The following SLC26A7 variants were observed in gnomAD, a reference collection of about 807,000 sequenced individuals.
The protein encoded by SLC26A7 is solute carrier family 26 member 7, also known as anion exchange transporter.
In SLC26A7, 59 loss-of-function variants were observed where a neutral mutation model predicts 82.5. The observed-to-expected ratio is 0.72, with a 90% CI of 0.58 to 0.89. The LOEUF is 0.89. SLC26A7 is among the 40% of genes least tolerant of loss of function. The probability of loss-of-function intolerance (pLI) is 0.00; values close to 1 mark genes in which losing one functional copy is unlikely to be tolerated. For synonymous variants in SLC26A7, 271 were observed against 274.3 expected (o/e 0.99, Z 0.12); for missense variants, 820 against 793.0 (o/e 1.03, Z -0.41).
At chr8:91,306,947 T>G (rs1467365552) in intron 4 of SLC26A7, among the ~76,000 whole-genome samples, 2 of 148,214 alleles carry the variant, frequency 1.3e-5, no homozygotes, top group East Asian at 2.0e-4. Context: ...CAAACAAATT[T>G]ACAAGAAAAA....
intron 5 of SLC26A7, among the ~76,000 whole-genome samples, chr8:91,329,007 G>A (rs1358504467): frequency 6.6e-6 from 1 of 152,056 alleles, no homozygotes; most frequent in Non-Finnish European, 1.5e-5. Context: ...TTATTAAACT[G>A]ACTAGGCAGT....
chr8:91,255,463 C>T (rs1467890732), intron 2 of SLC26A7, among the ~76,000 whole-genome samples: 3 of 152,122 alleles, frequency 2.0e-5, no homozygotes, highest in East Asian at 1.9e-4. Context: ...TCAGCTTTGG[C>T]GATACAGAAT....
intron 15 of SLC26A7, among the ~76,000 whole-genome samples, chr8:91,376,236 T>A (rs1168828322): frequency 2.0e-5 from 3 of 152,184 alleles, no homozygotes; most frequent in Non-Finnish European, 4.4e-5. Context: ...CTTTTCCTTT[T>A]GGTTAGAATC....
At chr8:91,376,034 T>C (rs903684474) in intron 15 of SLC26A7, among the ~76,000 whole-genome samples, 2 of 152,146 alleles carry the variant, frequency 1.3e-5, no homozygotes, top group Non-Finnish European at 2.9e-5. Flanking sequence ...ATTAAAGCTT[T>C]CAAATGTGTT....
chr8:91,392,006 A>G (rs1379258732), intron 16 of SLC26A7, among the ~76,000 whole-genome samples: 3 of 152,184 alleles, frequency 2.0e-5, no homozygotes, highest in African/African-American at 7.2e-5. Context: ...GAGAAATTCA[A>G]ACAATCTTGG....
At chr8:91,334,860 A>G (rs1380370196) in intron 6 of SLC26A7, among the ~76,000 whole-genome samples, 1 of 152,136 alleles carries the variant, frequency 6.6e-6, no homozygotes, top group Non-Finnish European at 1.5e-5. Flanking sequence ...CAATTGATAA[A>G]TGTTCATTCA....
chr8:91,218,385 T>G (rs1185178137), intron 1 of SLC26A7, among the ~76,000 whole-genome samples: 1 of 73,546 alleles, frequency 1.4e-5, no homozygotes, highest in Non-Finnish European at 2.8e-5. Flanking sequence ...ATTTAATTCA[T>G]GTATTAGGCA....
intron 9 of SLC26A7, among the ~76,000 whole-genome samples, chr8:91,344,744 T>C (rs1191532303): frequency 1.3e-5 from 2 of 152,178 alleles, no homozygotes; most frequent in African/African-American, 4.8e-5. Flanking sequence ...ACACAAGTAA[T>C]CTGACAGATT....
At chr8:91,321,275 G>T (rs2130812372) in intron 5 of SLC26A7, among the ~76,000 whole-genome samples, 1 of 152,332 alleles carries the variant, frequency 6.6e-6, no homozygotes, top group East Asian at 1.9e-4. Context: ...GTAGGGGTTT[G>T]TGCTCAGTTC....
intron 5 of SLC26A7, among the ~76,000 whole-genome samples, chr8:91,318,821 T>C (rs1812712725): frequency 1.3e-5 from 2 of 152,134 alleles, no homozygotes; most frequent in African/African-American, 4.8e-5. Flanking sequence ...AATCAGCTAT[T>C]AAAAACCACC....
intron 4 of SLC26A7, among the ~76,000 whole-genome samples, chr8:91,307,911 C>G (rs1248819240): frequency 6.6e-6 from 1 of 152,044 alleles, no homozygotes; most frequent in Non-Finnish European, 1.5e-5. Context: ...GTTGCCTAGG[C>G]TGTTCTCAAA....
intron 16 of SLC26A7, 92 bp downstream of exon 16, chr8:91,389,530 T>C (rs1409268203): frequency 1.1e-6 from 1 of 877,060 alleles, no homozygotes; most frequent in African/African-American, 1.7e-5. Flanking sequence ...TTGAGCCTGC[T>C]TGTTGCAATA....
chr8:91,220,276 G>T (rs1405407641), intron 2 of SLC26A7, among the ~76,000 whole-genome samples: 2 of 152,146 alleles, frequency 1.3e-5, no homozygotes, highest in Non-Finnish European at 2.9e-5. Context: ...GGTAAAGTAT[G>T]TGTGCTTATT....
intron 9 of SLC26A7, among the ~76,000 whole-genome samples, chr8:91,343,768 G>T (rs1813484530): frequency 6.6e-6 from 1 of 151,926 alleles, no homozygotes; most frequent in African/African-American, 2.4e-5. Flanking sequence ...TAATCTAAAT[G>T]GTCAACATGA....
intron 2 of SLC26A7, among the ~76,000 whole-genome samples, chr8:91,256,130 T>C (rs1810794346): frequency 6.6e-6 from 1 of 152,116 alleles, no homozygotes; most frequent in East Asian, 1.9e-4. Context: ...ATTGGAACCA[T>C]CTTGGGGATT....
At chr8:91,247,526 T>C (rs980310988), upstream of SLC26A7, among the ~76,000 whole-genome samples, 13 of 152,212 alleles carry the variant, frequency 8.5e-5, no homozygotes, top group African/African-American at 2.9e-4. Context: ...AAAAAAAACA[T>C]CTGGAATTGG....
At chr8:91,231,534 ACTTTT>A (rs1810310628) in intron 2 of SLC26A7, among the ~76,000 whole-genome samples, 1 of 151,946 alleles carries the variant, frequency 6.6e-6, no homozygotes, top group South Asian at 2.1e-4. Context: ...GCGATGAAAT[ACTTTT>A]CTTTTCCTTT....
intron 3 of SLC26A7, among the ~76,000 whole-genome samples, chr8:91,290,388 T>A (rs951080982): frequency 1.3e-5 from 2 of 152,204 alleles, no homozygotes. Context: ...TTCACAGGAC[T>A]AAAACTAAGG....
intron 18 of SLC26A7, chr8:91,394,850 A>G: frequency 1.3e-6 from 1 of 792,670 alleles, no homozygotes; most frequent in Non-Finnish European, 1.8e-6. Context: ...CAGGGAAATT[A>G]CACCATCTGT....
Sources: gnomAD v4.1 joint callset for allele counts (sites outside exome capture counted in the v4.1 genomes callset) on GRCh38, gnomAD v4.1.1 for gene constraint, MANE v1.5 for transcripts, NCBI Gene and HGNC (gene_info 2026-07-23, HGNC 2026-07-21) for gene names.